The following ALG1L2 variants were observed in gnomAD, a reference collection of about 807,000 sequenced individuals.
ALG1L2 encodes the protein putative glycosyltransferase ALG1L2.
A neutral mutation model predicts 29.0 loss-of-function variants in ALG1L2; 32 were observed. The ratio of observed to expected loss-of-function variants is 1.10; its 90% CI spans 0.83 to 1.48. The LOEUF (loss-of-function observed/expected upper bound fraction) is 1.48. ALG1L2 is among the 40% of genes most tolerant of loss of function. The probability of loss-of-function intolerance (pLI) is 0.00; values close to 1 mark genes in which losing one functional copy is unlikely to be tolerated. For missense variants in ALG1L2, 318 were observed against 274.1 expected, an observed-to-expected ratio of 1.16 and a Z score of -1.13; for synonymous variants, 110 against 109.5, an observed-to-expected ratio of 1.00 and a Z score of -0.03.
At chr3:130,089,137 G>A (rs1438367666) in intron 1 of ALG1L2, among the ~76,000 whole-genome samples, 1 of 152,290 alleles carries the variant, frequency 6.6e-6, no homozygotes, top group East Asian at 1.9e-4. Flanking sequence ...TGGGAAAGGG[G>A]CTAGAGAAGG....
At position 130,092,089 on chromosome 3, in the gene ALG1L2, C is replaced by T. The variant is rs1639343711; in HGVS notation, c.132-12C>T. 17 of 1,613,094 alleles carry T rather than the reference C, an allele frequency of 1.1e-5. No individual in the cohort carries two copies. Among genetic ancestry groups the T allele is most frequent in the Non-Finnish European group, 1.0e-5 (12 of 1,179,682 alleles). On this transcript the variant is annotated splice_polypyrimidine_tract_variant and intron_variant, in intron 2 of 7. Transcript: ENST00000425059. Reference sequence around the variant, plus strand: ...CTGTGGCCTCTCACAGGGTTTTTTTCTGCTCCTTCAGCTCAGAACCTGAGG... The same window carrying T: ...CTGTGGCCTCTCACAGGGTTTTTTTTTGCTCCTTCAGCTCAGAACCTGAGG...
chr3:130,084,044 T>C (rs1453509042), intron 1 of ALG1L2, among the ~76,000 whole-genome samples: 1 of 151,216 alleles, frequency 6.6e-6, no homozygotes, highest in Non-Finnish European at 1.5e-5. Context: ...GCAGTGGCCA[T>C]GGGGCATCCT....
At chr3:130,092,867 T>C (rs1577328673) in intron 3 of ALG1L2, among the ~76,000 whole-genome samples, 1 of 152,004 alleles carries the variant, frequency 6.6e-6, no homozygotes, top group East Asian at 1.9e-4. Context: ...CTGTCTCTAC[T>C]AAAAATACAA....
chr3:130,091,030 A>G, intron 1 of ALG1L2: 1 of 531,716 alleles, frequency 1.9e-6, no homozygotes, highest in East Asian at 3.3e-5. Flanking sequence ...GCCTGGTGCA[A>G]TCCATGTTGT....
At chr3:130,089,937 G>T (rs1934978095) in intron 1 of ALG1L2, among the ~76,000 whole-genome samples, 1 of 152,306 alleles carries the variant, frequency 6.6e-6, no homozygotes, top group South Asian at 2.1e-4. Context: ...AGCTACGCGG[G>T]AGGCTGAGGT....
At chr3:130,090,213 G>A (rs541687891) in intron 1 of ALG1L2, among the ~76,000 whole-genome samples, 4 of 152,242 alleles carry the variant, frequency 2.6e-5, no homozygotes, top group African/African-American at 7.2e-5. Flanking sequence ...AAAATTAGCT[G>A]GGCTTTGTGG....
At chr3:130,090,278 C>A (rs1372604490) in intron 1 of ALG1L2, among the ~76,000 whole-genome samples, 1 of 151,906 alleles carries the variant, frequency 6.6e-6, no homozygotes, top group Non-Finnish European at 1.5e-5. Flanking sequence ...ATCACTTGAA[C>A]CCGGGAGGCA....
At chr3:130,096,732 G>A (rs1458594348) in intron 6 of ALG1L2, among the ~76,000 whole-genome samples, 1 of 152,138 alleles carries the variant, frequency 6.6e-6, no homozygotes, top group Admixed American at 6.5e-5. Flanking sequence ...TCAGGAGCCG[G>A]CCCCTGGATG....
At position 130,094,583 on chromosome 3, in the gene ALG1L2, G is replaced by A. The variant is rs1185678810; in HGVS notation, c.424+70G>A. ...CAGGGGGAACAGGGGTGGGCGGGGT[G>A]TACCTTTTCTGAAAAGGTGGCTCTG... On this transcript the variant is annotated intron_variant, in intron 5 of 7. Coordinates refer to ENST00000425059, the MANE Select transcript of ALG1L2 (RefSeq NM_001136152.1). The A allele has an allele frequency of 8.9e-6, 13 of 1,458,434 alleles. No individual in the cohort carries two copies. In the African/African-American group the frequency reaches 1.3e-4, roughly 14 times the overall value. 90.3% of individuals were successfully genotyped at this position (1,458,434 alleles called of 1,614,324 possible).
intron 1 of ALG1L2, among the ~76,000 whole-genome samples, chr3:130,088,255 T>A (rs1292180042): frequency 1.3e-5 from 2 of 152,294 alleles, no homozygotes; most frequent in Admixed American, 6.5e-5. Context: ...GATGCCCAGC[T>A]CAGTAAGTGA....
intron 7 of ALG1L2, among the ~76,000 whole-genome samples, chr3:130,097,910 C>T (rs547243704): frequency 6.6e-6 from 1 of 152,346 alleles, no homozygotes; most frequent in East Asian, 1.9e-4. Flanking sequence ...AGAACACCCC[C>T]TTGTTACCCA....
At position 130,094,563 on chromosome 3, in the gene ALG1L2, G is replaced by A. The variant is rs754878227; in HGVS notation, c.424+50G>A. ...GGAGGAGGCGGGGCCTTATGCAGGG[G>A]GAACAGGGGTGGGCGGGGTGTACCT... On this transcript the variant is annotated intron_variant, in intron 5 of 7. Transcript: ENST00000425059. 1.5e-5 allele frequency: 20 copies of A among 1,330,370 alleles called. No individual in the cohort carries two copies. The African/African-American group carries it at 2.3e-4, about 15-fold the overall frequency. The allele number at this position is 1,330,370 out of a possible 1,614,324, so 82.4% of individuals were successfully genotyped here. A position where few individuals can be genotyped will look rare whatever the true frequency, so the allele number is the denominator to read the frequency against.
chr3:130,084,244 G>A (rs1211312229), intron 1 of ALG1L2, among the ~76,000 whole-genome samples: 3 of 150,776 alleles, frequency 2.0e-5, no homozygotes, highest in Admixed American at 1.3e-4. Context: ...GATAGCTCGA[G>A]GCCAGGAGTT....
chr3:130,085,915 A>T (rs1289064466), intron 1 of ALG1L2, among the ~76,000 whole-genome samples: 6 of 151,456 alleles, frequency 4.0e-5, no homozygotes, highest in Non-Finnish European at 8.9e-5. Context: ...CAAGAAGGAG[A>T]GGGAACAAAG....
At chr3:130,087,683 G>A (rs980920288) in intron 1 of ALG1L2, among the ~76,000 whole-genome samples, 11 of 130,982 alleles carry the variant, frequency 8.4e-5, no homozygotes, top group African/African-American at 2.8e-4. Context: ...GAATCTCAGC[G>A]AAGGGTATAA....
At chr3:130,091,555 C>T (rs1288292288) in intron 2 of ALG1L2, among the ~76,000 whole-genome samples, 184 bp downstream of exon 2, 2 of 152,248 alleles carry the variant, frequency 1.3e-5, no homozygotes, top group Non-Finnish European at 2.9e-5. Flanking sequence ...TCTGAGTTGT[C>T]TACAGCCGCC....
At chr3:130,095,066 G>C (rs974525708) in intron 5 of ALG1L2, among the ~76,000 whole-genome samples, 2 of 152,264 alleles carry the variant, frequency 1.3e-5, no homozygotes, top group African/African-American at 2.4e-5. Context: ...AGACAGTCTT[G>C]CTCCGTTGCC....
chr3:130,093,710 C>A (rs1935068563), intron 4 of ALG1L2, among the ~76,000 whole-genome samples: 1 of 152,148 alleles, frequency 6.6e-6, no homozygotes, highest in Non-Finnish European at 1.5e-5. Flanking sequence ...AGATATGAAC[C>A]ACTGTGCCCG....
Position 130,089,616 on chromosome 3 carries a change from C to T in ALG1L2, c.21-1645C>T, listed in dbSNP as rs1041811066. The T allele has an allele frequency of 9.8e-5, 15 of 152,396 alleles. No homozygotes were observed. The South Asian group carries it at 1.0e-3, about 11-fold the overall frequency. 9.4% of individuals were successfully genotyped at this position (152,396 alleles called of 1,614,324 possible). A position where few individuals can be genotyped will look rare whatever the true frequency, so the allele number is the denominator to read the frequency against. The stretch of plus-strand genomic sequence containing the variant: ...AGGAGAATTCATTTCACCCCTTTTA[C>T]TTTTTCTAATGTGGTGACTAAATTA... On this transcript the variant is annotated intron_variant, in intron 1 of 7. Coordinates refer to ENST00000425059, the MANE Select transcript of ALG1L2 (RefSeq NM_001136152.1).
Sources: allele counts gnomAD v4.1 joint callset (sites outside exome capture counted in the v4.1 genomes callset), GRCh38; gene constraint gnomAD v4.1.1; transcripts MANE v1.5; gene names NCBI Gene and HGNC (gene_info 2026-07-23, HGNC 2026-07-21).